Variants in SORCS1 observed in about 807,000 individuals in gnomAD.
The protein encoded by SORCS1 is VPS10 domain-containing receptor SorCS1.
A neutral mutation model predicts 146.1 loss-of-function variants in SORCS1; 60 were observed. That is an observed-to-expected ratio of 0.41 (90% confidence interval 0.33 to 0.51). The LOEUF (loss-of-function observed/expected upper bound fraction) is 0.51. Ranked by LOEUF, SORCS1 falls within the 20% of genes least tolerant of loss-of-function variation. The probability of loss-of-function intolerance (pLI) is 0.21; values close to 1 mark genes in which losing one functional copy is unlikely to be tolerated. For synonymous variants in SORCS1, 637 were observed against 584.0 expected, an observed-to-expected ratio of 1.09 and a Z score of -1.31; for missense variants, 1,352 against 1,487.6, an observed-to-expected ratio of 0.91 and a Z score of 1.50.
chr10:106,955,679 G>A (rs1954903552), intron 2 of SORCS1, among the ~76,000 whole-genome samples: 2 of 152,216 alleles, frequency 1.3e-5, no homozygotes, highest in African/African-American at 4.8e-5. Flanking sequence ...CCATGGAAGG[G>A]AAGTTAGTAA....
At chr10:106,715,717 C>T (rs1322570357) in intron 6 of SORCS1, among the ~76,000 whole-genome samples, 2 of 152,172 alleles carry the variant, frequency 1.3e-5, no homozygotes, top group South Asian at 2.1e-4. Context: ...AAGCTAACCA[C>T]CTGTAAAGTG....
chr10:106,577,813 T>C, intron 25 of SORCS1: 1 of 431,984 alleles, frequency 2.3e-6, no homozygotes, highest in Non-Finnish European at 3.7e-6. Flanking sequence ...GACTTTTTTC[T>C]TTTTAGCCCC....
At chr10:106,882,496 G>A (rs1950844225) in intron 2 of SORCS1, among the ~76,000 whole-genome samples, 2 of 152,114 alleles carry the variant, frequency 1.3e-5, no homozygotes, top group African/African-American at 4.8e-5. Flanking sequence ...ATTAGAGCAT[G>A]GACAATATGT....
intron 2 of SORCS1, among the ~76,000 whole-genome samples, chr10:106,836,447 C>T (rs911787844): frequency 1.1e-4 from 16 of 147,544 alleles, no homozygotes; most frequent in African/African-American, 4.0e-4. Context: ...TGCACTCCAG[C>T]CTGGGCGATA....
chr10:107,081,767 A>G (rs917973425), intron 1 of SORCS1, among the ~76,000 whole-genome samples: 12 of 152,226 alleles, frequency 7.9e-5, no homozygotes, highest in African/African-American at 2.2e-4. Flanking sequence ...ATACAAGAAC[A>G]ACTCAAAGAT....
chr10:106,839,197 C>T (rs1948916003), intron 2 of SORCS1, among the ~76,000 whole-genome samples: 1 of 152,266 alleles, frequency 6.6e-6, no homozygotes, highest in East Asian at 1.9e-4. Context: ...TGTCAAAAGG[C>T]AAGACAGGGC....
intron 1 of SORCS1, among the ~76,000 whole-genome samples, chr10:106,979,573 A>C (rs1322736908): frequency 6.6e-6 from 1 of 152,132 alleles, no homozygotes; most frequent in Non-Finnish European, 1.5e-5. Flanking sequence ...ACAAAAACAA[A>C]CAAACAAACA....
chr10:107,083,423 GTT>G (rs914049276), intron 1 of SORCS1, among the ~76,000 whole-genome samples: 1 of 151,956 alleles, frequency 6.6e-6, no homozygotes, highest in African/African-American at 2.4e-5. Context: ...TTTATTGTCT[GTT>G]TGTATTGTTT....
intron 1 of SORCS1, among the ~76,000 whole-genome samples, chr10:107,033,660 T>A (rs1958767909): frequency 6.6e-6 from 1 of 152,202 alleles, no homozygotes; most frequent in Non-Finnish European, 1.5e-5. Flanking sequence ...TTCCCTTGTT[T>A]TACAGACTAC....
At chr10:107,025,211 A>G (rs1454721537) in intron 1 of SORCS1, among the ~76,000 whole-genome samples, 1 of 152,200 alleles carries the variant, frequency 6.6e-6, no homozygotes, top group Non-Finnish European at 1.5e-5. Flanking sequence ...AACCCTGCAA[A>G]TGGTTAGTCT....
intron 2 of SORCS1, among the ~76,000 whole-genome samples, chr10:106,859,263 T>C (rs1344631678): frequency 6.6e-6 from 1 of 152,238 alleles, no homozygotes; most frequent in African/African-American, 2.4e-5. Flanking sequence ...ATTGTATCGT[T>C]GTTGTCAATG....
intron 1 of SORCS1, among the ~76,000 whole-genome samples, chr10:107,163,063 G>C (rs1262670206): frequency 6.6e-6 from 1 of 152,208 alleles, no homozygotes; most frequent in African/African-American, 2.4e-5. Flanking sequence ...TCAGATTGCA[G>C]ACATGCAAGC....
At chr10:107,062,783 A>G (rs1294490471) in intron 1 of SORCS1, among the ~76,000 whole-genome samples, 3 of 152,190 alleles carry the variant, frequency 2.0e-5, no homozygotes, top group African/African-American at 7.2e-5. Flanking sequence ...CCATAACTCA[A>G]CAAGATCAAG....
intron 2 of SORCS1, among the ~76,000 whole-genome samples, chr10:106,874,192 T>G (rs2137612413): frequency 6.6e-6 from 1 of 152,232 alleles, no homozygotes; most frequent in Admixed American, 6.5e-5. Context: ...CCTGAAATGG[T>G]TTTTTAAATC....
intron 19 of SORCS1, among the ~76,000 whole-genome samples, chr10:106,625,057 T>C (rs1418969126): frequency 2.0e-5 from 3 of 152,208 alleles, no homozygotes; most frequent in African/African-American, 4.8e-5. Context: ...TGGCGCTGCA[T>C]CATTCCATAT....
intron 1 of SORCS1, among the ~76,000 whole-genome samples, chr10:106,994,701 C>T (rs911513001): frequency 1.3e-5 from 2 of 152,136 alleles, no homozygotes; most frequent in African/African-American, 4.8e-5. Flanking sequence ...TTTAGCATTA[C>T]TTGAATGTGA....
chr10:106,642,969 T>C (rs1452884190), intron 18 of SORCS1, among the ~76,000 whole-genome samples: 1 of 152,206 alleles, frequency 6.6e-6, no homozygotes, highest in Non-Finnish European at 1.5e-5. Flanking sequence ...GGCCTTTTCT[T>C]TCTACTCCTT....
At chr10:106,999,670 T>C (rs562847329) in intron 1 of SORCS1, among the ~76,000 whole-genome samples, 1 of 152,290 alleles carries the variant, frequency 6.6e-6, no homozygotes, top group South Asian at 2.1e-4. Context: ...CAAACAATAA[T>C]TTAGCTTCAG....
intron 2 of SORCS1, among the ~76,000 whole-genome samples, chr10:106,941,779 T>C (rs576036853): frequency 6.6e-6 from 1 of 152,328 alleles, no homozygotes; most frequent in Admixed American, 6.5e-5. Context: ...AAATGGTGAC[T>C]AGCAAGAAAA....
Sources: gnomAD v4.1 joint callset for allele counts (sites outside exome capture counted in the v4.1 genomes callset) on GRCh38, gnomAD v4.1.1 for gene constraint, MANE v1.5 for transcripts, NCBI Gene and HGNC (gene_info 2026-07-23, HGNC 2026-07-21) for gene names.